Variants in PSMA1 observed in about 807,000 individuals in gnomAD.
PSMA1 encodes the protein proteasome subunit alpha type-1.
PSMA1 carries 3 observed loss-of-function variants against 38.4 expected under a neutral mutation model. That is an observed-to-expected ratio of 0.08 (90% CI 0.04 to 0.20). The LOEUF (loss-of-function observed/expected upper bound fraction) is 0.20. Among genes scored for constraint, PSMA1 ranks in the 10% least tolerant of loss-of-function variants. The probability of loss-of-function intolerance (pLI) is 1.00; values close to 1 mark genes in which losing one functional copy is unlikely to be tolerated. For synonymous variants in PSMA1, 101 were observed against 107.1 expected, an observed-to-expected ratio of 0.94 and a Z score of 0.35; for missense variants, 227 against 325.3, an observed-to-expected ratio of 0.70 and a Z score of 2.32.
intron 8 of PSMA1, among the ~76,000 whole-genome samples, chr11:14,509,592 G>A (rs2134142468): frequency 6.6e-6 from 1 of 151,694 alleles, no homozygotes; most frequent in Admixed American, 6.6e-5. Context: ...ATAGAGACAG[G>A]GTTTCATCGT....
chr11:14,626,081 G>A (rs1852907572), intron 1 of PSMA1, among the ~76,000 whole-genome samples: 1 of 149,860 alleles, frequency 6.7e-6, no homozygotes, highest in South Asian at 2.1e-4. Flanking sequence ...GGAAGTGCTG[G>A]AAAATAAAAT....
At chr11:14,565,997 CAGAT>C (rs1210829056) in intron 2 of PSMA1, among the ~76,000 whole-genome samples, 1 of 152,058 alleles carries the variant, frequency 6.6e-6, no homozygotes, top group Admixed American at 6.6e-5. Context: ...TTTTTTCAGA[CAGAT>C]AGGGCAGCTG....
chr11:14,562,868 G>C (rs1852026112), intron 2 of PSMA1, among the ~76,000 whole-genome samples: 1 of 152,074 alleles, frequency 6.6e-6, no homozygotes, highest in African/African-American at 2.4e-5. Context: ...CACCGGGCCT[G>C]GCTGTATTCA....
At chr11:14,545,349 C>T (rs934274791) in intron 2 of PSMA1, among the ~76,000 whole-genome samples, 49 of 152,294 alleles carry the variant, frequency 3.2e-4, no homozygotes, top group Admixed American at 8.5e-4. Context: ...ACGTGCAGGA[C>T]GTGCAAGTTT....
chr11:14,569,549 A>G (rs1419686954), intron 2 of PSMA1, among the ~76,000 whole-genome samples: 2 of 152,200 alleles, frequency 1.3e-5, no homozygotes, highest in African/African-American at 4.8e-5. Context: ...CAAATGGCAC[A>G]CCAGAGATTA....
At chr11:14,543,213 T>C (rs1237517678) in intron 2 of PSMA1, among the ~76,000 whole-genome samples, 3 of 152,168 alleles carry the variant, frequency 2.0e-5, no homozygotes, top group Non-Finnish European at 4.4e-5. Context: ...TAACTCAAAA[T>C]GGAGCCAGGT....
chr11:14,638,271 A>C (rs1178103965), intron 1 of PSMA1, among the ~76,000 whole-genome samples: 1 of 152,100 alleles, frequency 6.6e-6, no homozygotes, highest in Non-Finnish European at 1.5e-5. Context: ...GCTTAGTAAC[A>C]CACACGAAGT....
intron 2 of PSMA1, among the ~76,000 whole-genome samples, chr11:14,526,249 C>T (rs1851584496): frequency 3.3e-5 from 5 of 152,120 alleles, no homozygotes; most frequent in Admixed American, 3.3e-4. Flanking sequence ...TAGCTGATCC[C>T]ATAGATCCTA....
At chr11:14,599,025 G>C (rs901686819) in intron 2 of PSMA1, among the ~76,000 whole-genome samples, 8 of 151,976 alleles carry the variant, frequency 5.3e-5, no homozygotes, top group African/African-American at 1.9e-4. Flanking sequence ...ATGAAATTCT[G>C]GGTTGAAAAT....
At chr11:14,562,100 T>C (rs894233237) in intron 2 of PSMA1, among the ~76,000 whole-genome samples, 1 of 152,176 alleles carries the variant, frequency 6.6e-6, no homozygotes, top group Non-Finnish European at 1.5e-5. Context: ...AGTGAGCCAA[T>C]GCTATGAACA....
chr11:14,541,981 T>G (rs115079921), intron 2 of PSMA1, among the ~76,000 whole-genome samples: 1,568 of 152,344 alleles, frequency 0.01, 23 homozygotes, highest in African/African-American at 0.035. Flanking sequence ...GGCAAAATTA[T>G]AACGCATACA....
upstream of PSMA1, among the ~76,000 whole-genome samples, chr11:14,522,271 T>C (rs74864356): frequency 1.3e-5 from 2 of 152,332 alleles, no homozygotes; most frequent in Non-Finnish European, 2.9e-5. Flanking sequence ...TTTGCTTAAT[T>C]ATTAGTGTGC....
chr11:14,575,600 T>C (rs962160585), intron 2 of PSMA1, among the ~76,000 whole-genome samples: 1 of 152,232 alleles, frequency 6.6e-6, no homozygotes, highest in Non-Finnish European at 1.5e-5. Context: ...CATCCTTTTT[T>C]ATGGCTGCAT....
At chr11:14,533,083 T>G (rs1851667583) in intron 2 of PSMA1, among the ~76,000 whole-genome samples, 1 of 152,206 alleles carries the variant, frequency 6.6e-6, no homozygotes, top group Non-Finnish European at 1.5e-5. Context: ...TGTGTACATA[T>G]GCATATTGTG....
chr11:14,583,031 A>C (rs767636085), intron 2 of PSMA1, among the ~76,000 whole-genome samples: 18 of 152,170 alleles, frequency 1.2e-4, no homozygotes, highest in Non-Finnish European at 2.5e-4. Flanking sequence ...CGCTCACGTA[A>C]TTCGGTGCTT....
intron 8 of PSMA1, among the ~76,000 whole-genome samples, chr11:14,508,061 C>T (rs1363607757): frequency 6.6e-6 from 1 of 152,080 alleles, no homozygotes; most frequent in Admixed American, 6.5e-5. Flanking sequence ...TGATATTAAA[C>T]AATAATTATC....
chr11:14,595,638 T>C (rs906578226), intron 2 of PSMA1, among the ~76,000 whole-genome samples: 1 of 152,260 alleles, frequency 6.6e-6, no homozygotes, highest in African/African-American at 2.4e-5. Context: ...AGATTCTGGA[T>C]ATTAGCCCTT....
chr11:14,614,397 G>GA (rs965435401), intron 1 of PSMA1, among the ~76,000 whole-genome samples: 81 of 146,722 alleles, frequency 5.5e-4, no homozygotes, highest in Admixed American at 1.5e-3. Flanking sequence ...CATATAAGCT[G>GA]AAAAAAAAAA....
intron 1 of PSMA1, among the ~76,000 whole-genome samples, chr11:14,629,083 G>C (rs1250174095): frequency 6.6e-6 from 1 of 151,986 alleles, no homozygotes; most frequent in Non-Finnish European, 1.5e-5. Flanking sequence ...TGTCAGATGA[G>C]TAGGTTGCGA....
Sources: allele counts gnomAD v4.1 joint callset (sites outside exome capture counted in the v4.1 genomes callset), GRCh38; gene constraint gnomAD v4.1.1; transcripts MANE v1.5; gene names NCBI Gene and HGNC (gene_info 2026-07-23, HGNC 2026-07-21).